Variants in SUMF1 observed in about 807,000 individuals in gnomAD.
SUMF1 encodes the protein formylglycine-generating enzyme.
Under a neutral mutation model 47.6 loss-of-function variants are expected in SUMF1, and 48 were observed. The observed-to-expected ratio is 1.01, with a 90% confidence interval of 0.80 to 1.28. The LOEUF (loss-of-function observed/expected upper bound fraction) is 1.28. Among genes scored for constraint, SUMF1 ranks in the 50% most tolerant of loss-of-function variants. SUMF1 has a pLI of 0.00. For missense variants in SUMF1, 571 were observed against 485.4 expected, an observed-to-expected ratio of 1.18 and a Z score of -1.66; for synonymous variants, 230 against 192.1, an observed-to-expected ratio of 1.20 and a Z score of -1.63.
At chr3:4,046,078 CAG>C (rs1695001867) in intron 9 of SUMF1, among the ~76,000 whole-genome samples, 1 of 152,004 alleles carries the variant, frequency 6.6e-6, no homozygotes, top group African/African-American at 2.4e-5. Flanking sequence ...AGATTGAGTC[CAG>C]AGTTAGAGCT....
intron 8 of SUMF1, among the ~76,000 whole-genome samples, chr3:4,178,284 A>T (rs1416376489): frequency 6.6e-6 from 1 of 152,198 alleles, no homozygotes; most frequent in Non-Finnish European, 1.5e-5. Context: ...TTGATGCAAA[A>T]ATCCTCAATA....
At chr3:4,366,580 C>G (rs1429643561) in intron 8 of SUMF1, among the ~76,000 whole-genome samples, 1 of 150,482 alleles carries the variant, frequency 6.6e-6, no homozygotes, top group East Asian at 2.0e-4. Flanking sequence ...CTCCTTTATG[C>G]ACTTCTCTGT....
At chr3:4,089,688 T>C (rs1692744074) in intron 8 of SUMF1, among the ~76,000 whole-genome samples, 1 of 152,176 alleles carries the variant, frequency 6.6e-6, no homozygotes, top group Admixed American at 6.5e-5. Context: ...CTCAAACCTA[T>C]GCAATTCCTA....
chr3:4,096,432 AC>A (rs1182618732), intron 8 of SUMF1, among the ~76,000 whole-genome samples: 2 of 152,164 alleles, frequency 1.3e-5, no homozygotes, highest in Non-Finnish European at 2.9e-5. Context: ...TGAAAGGGTT[AC>A]CTTCACCCAG....
rs201153349 is a variant in SUMF1 at position 4,223,542 on chromosome 3, GT to G, written c.1014+152787del. On this transcript the variant is annotated intron_variant and NMD_transcript_variant, in intron 8 of 12. Coordinates refer to the SUMF1 transcript ENST00000448413. ...TATCGCTACCACTACTTCCACACTG[GT>G]TTCGTGACATGAGACAGAGGCCACT... Among the ~76,000 whole-genome samples the G allele has an allele frequency of 8.0e-3, 1,220 of 152,174 alleles. 20 individuals are homozygous for G. Among genetic ancestry groups the G allele is most frequent in the African/African-American group, 0.028 (1,158 of 41,522 alleles).
chr3:4,407,830 T>C (rs1701423155), intron 7 of SUMF1, among the ~76,000 whole-genome samples: 1 of 152,106 alleles, frequency 6.6e-6, no homozygotes, highest in Non-Finnish European at 1.5e-5. Context: ...GGCCTGAGGA[T>C]ATAAAAAATT....
intron 8 of SUMF1, among the ~76,000 whole-genome samples, chr3:4,205,177 T>A (rs1695624333): frequency 6.6e-6 from 1 of 152,176 alleles, no homozygotes; most frequent in Admixed American, 6.5e-5. Context: ...CTGATCAATG[T>A]ACTTTGCAAT....
At chr3:4,200,464 C>T (rs1695517592) in intron 8 of SUMF1, among the ~76,000 whole-genome samples, 2 of 152,052 alleles carry the variant, frequency 1.3e-5, no homozygotes, top group Admixed American at 6.6e-5. Context: ...TTCTCCTACC[C>T]TTGATCATCA....
At chr3:4,072,075 G>C (rs1167711810) in intron 8 of SUMF1, among the ~76,000 whole-genome samples, 1 of 152,116 alleles carries the variant, frequency 6.6e-6, no homozygotes, top group East Asian at 1.9e-4. Context: ...GCCCCTCTAA[G>C]ACAAATTTTC....
At chr3:4,129,008 G>A (rs1335993832) in intron 8 of SUMF1, among the ~76,000 whole-genome samples, 1 of 152,130 alleles carries the variant, frequency 6.6e-6, no homozygotes, top group African/African-American at 2.4e-5. Flanking sequence ...GGATCCAAAG[G>A]CTTAGGCAGA....
chr3:4,365,376 T>C lies in SUMF1; in HGVS notation c.1015-3122A>G, dbSNP rs74538286. Among the ~76,000 whole-genome samples the C allele has an allele frequency of 1.2e-3, 131 of 109,664 alleles. 2 individuals are homozygous for C. Among genetic ancestry groups the C allele is most frequent in the East Asian group, 1.4e-3 (6 of 4,288 alleles). 71.9% of individuals were successfully genotyped at this position (109,664 alleles called of 152,430 possible). A position where few individuals can be genotyped will look rare whatever the true frequency, so the allele number is the denominator to read the frequency against. On this transcript the variant is annotated intron_variant, in intron 8 of 8. Coordinates refer to ENST00000272902, the MANE Select transcript of SUMF1 (RefSeq NM_182760.4). Reference sequence around the variant, plus strand: ...AAGTCTCTTTGTAGGTCACTCAGGATTTGCTTTATGAATCTGGGTGCTTCT... The same window carrying C: ...AAGTCTCTTTGTAGGTCACTCAGGACTTGCTTTATGAATCTGGGTGCTTCT...
chr3:4,181,089 T>C (rs1332015858), intron 8 of SUMF1, among the ~76,000 whole-genome samples: 1 of 152,146 alleles, frequency 6.6e-6, no homozygotes, highest in Non-Finnish European at 1.5e-5. Context: ...AGGAATTTCT[T>C]TCCACATAGA....
At chr3:4,334,346 C>A (rs308739) in intron 8 of SUMF1, among the ~76,000 whole-genome samples, 15,621 of 152,178 alleles carry the variant, frequency 0.1, 1,120 homozygotes, top group South Asian at 0.31. Context: ...GTATCTTCCC[C>A]AGTGTTTCAA....
chr3:4,357,624 T>TA (rs1699649876), downstream of SUMF1, among the ~76,000 whole-genome samples: 1 of 149,712 alleles, frequency 6.7e-6, no homozygotes, highest in Admixed American at 6.7e-5. Flanking sequence ...TTTATTTATT[T>TA]TGAGACGGAG....
chr3:4,292,616 G>C (rs1697762352), intron 8 of SUMF1, among the ~76,000 whole-genome samples: 1 of 152,160 alleles, frequency 6.6e-6, no homozygotes, highest in East Asian at 1.9e-4. Flanking sequence ...CTTTGTGCTT[G>C]AAAGCCAAAG....
At chr3:4,352,649 G>A (rs370252987) in intron 8 of SUMF1, among the ~76,000 whole-genome samples, 76 of 147,314 alleles carry the variant, frequency 5.2e-4, no homozygotes, top group African/African-American at 1.8e-3. Flanking sequence ...TTTATACAAA[G>A]TGATTCCAAC....
chr3:4,243,226 T>C (rs769048165), intron 8 of SUMF1, among the ~76,000 whole-genome samples: 2 of 152,206 alleles, frequency 1.3e-5, no homozygotes, highest in African/African-American at 4.8e-5. Flanking sequence ...CCTGGATTCA[T>C]TGATTTTCTG....
At position 4,090,395 on chromosome 3, in the gene SUMF1, A is replaced by G. The variant is rs537843837; in HGVS notation, c.1015-21650T>C. On this transcript the variant is annotated intron_variant and NMD_transcript_variant, in intron 8 of 12. Transcript: ENST00000448413. ...AAGTTGTCCCACTCAGAATAAATGC[A>G]GCTATGTGTGAGTGCACATTGTGAT... 3.2e-3 allele frequency among the ~76,000 whole-genome samples: 486 copies of G among 152,208 alleles called. 2 individuals are homozygous for G. The highest frequency in any genetic ancestry group is 5.5e-3 in the Non-Finnish European group (374 of 67,996).
At chr3:4,235,906 C>G (rs1696396468) in intron 8 of SUMF1, among the ~76,000 whole-genome samples, 1 of 151,988 alleles carries the variant, frequency 6.6e-6, no homozygotes, top group African/African-American at 2.4e-5. Context: ...AGTGATGAAG[C>G]ATTAAAGAGG....
Sources: gnomAD v4.1 joint callset for allele counts (sites outside exome capture counted in the v4.1 genomes callset) on GRCh38, gnomAD v4.1.1 for gene constraint, MANE v1.5 for transcripts, NCBI Gene and HGNC (gene_info 2026-07-23, HGNC 2026-07-21) for gene names.